The following POU2F1 variants were observed in gnomAD, a reference collection of about 807,000 sequenced individuals.
The protein encoded by POU2F1 is POU domain, class 2, transcription factor 1.
POU2F1 carries 16 observed loss-of-function variants against 84.9 expected under a neutral mutation model. That is an observed-to-expected ratio of 0.19 (90% CI 0.13 to 0.29). POU2F1 has a LOEUF of 0.29. POU2F1 is among the 10% of genes least tolerant of loss of function. The pLI is 1.00. For missense variants in POU2F1, 738 were observed against 942.6 expected (o/e 0.78, Z 2.84); for synonymous variants, 368 against 368.3 (o/e 1.00, Z 0.01).
At chr1:167,348,829 C>T (rs1397201659) in intron 2 of POU2F1, among the ~76,000 whole-genome samples, 1 of 152,180 alleles carries the variant, frequency 6.6e-6, no homozygotes, top group African/African-American at 2.4e-5. Flanking sequence ...TCTCAAAACT[C>T]TTTGTACCTT....
chr1:167,228,498 A>T (rs373920563), intron 1 of POU2F1, among the ~76,000 whole-genome samples: 1 of 152,246 alleles, frequency 6.6e-6, no homozygotes. Context: ...CATTACATGG[A>T]ATAAGGACGT....
intron 1 of POU2F1, among the ~76,000 whole-genome samples, chr1:167,276,908 G>A (rs1652767433): frequency 6.6e-6 from 1 of 152,120 alleles, no homozygotes; most frequent in African/African-American, 2.4e-5. Flanking sequence ...AGCAAGAAAG[G>A]ATGGGCAGAA....
chr1:167,280,203 A>G (rs987670730), intron 1 of POU2F1, among the ~76,000 whole-genome samples: 3 of 151,980 alleles, frequency 2.0e-5, no homozygotes, highest in African/African-American at 7.2e-5. Flanking sequence ...AAAAAAAAAA[A>G]AACTTATTGT....
intron 1 of POU2F1, among the ~76,000 whole-genome samples, chr1:167,326,982 C>T (rs949922392): frequency 6.6e-6 from 1 of 152,174 alleles, no homozygotes; most frequent in African/African-American, 2.4e-5. Flanking sequence ...GGGAAATAAA[C>T]ATTTATTGAT....
intron 1 of POU2F1, among the ~76,000 whole-genome samples, chr1:167,286,153 A>T (rs1295983255): frequency 6.6e-6 from 1 of 152,206 alleles, no homozygotes. Flanking sequence ...TGATATAGTC[A>T]GTTTCATTCA....
chr1:167,223,546 C>G (rs767027386), intron 1 of POU2F1, among the ~76,000 whole-genome samples: 9 of 151,940 alleles, frequency 5.9e-5, no homozygotes, highest in South Asian at 2.1e-4. Context: ...TGTGTTAAAC[C>G]TTTGAAATTA....
chr1:167,333,336 GTAAAGGTATAA>G (rs1657207497), intron 2 of POU2F1, among the ~76,000 whole-genome samples: 1 of 152,074 alleles, frequency 6.6e-6, no homozygotes, highest in South Asian at 2.1e-4. Context: ...CTGGTTTCTG[GTAAAGGTATAA>G]ATCAAAATAT....
intron 2 of POU2F1, among the ~76,000 whole-genome samples, chr1:167,359,850 G>GT (rs35501138): frequency 2.2e-4 from 29 of 128,924 alleles, no homozygotes; most frequent in South Asian, 1.4e-3. Flanking sequence ...TTGTGGGTTT[G>GT]TTTTTTTTTT....
intron 2 of POU2F1, among the ~76,000 whole-genome samples, chr1:167,355,532 A>G (rs1372124673): frequency 6.6e-6 from 1 of 152,160 alleles, no homozygotes; most frequent in Non-Finnish European, 1.5e-5. Flanking sequence ...CTCTGCTCCA[A>G]AAAAAAGACA....
chr1:167,325,878 A>C (rs1656669412), intron 1 of POU2F1, among the ~76,000 whole-genome samples: 1 of 143,726 alleles, frequency 7.0e-6, no homozygotes, highest in South Asian at 2.2e-4. Flanking sequence ...AAAAGAGCAA[A>C]CTCCATCTCA....
intron 1 of POU2F1, among the ~76,000 whole-genome samples, chr1:167,256,880 A>T (rs1490685554): frequency 6.6e-6 from 1 of 152,206 alleles, no homozygotes; most frequent in Non-Finnish European, 1.5e-5. Context: ...ATTTTGAGGC[A>T]GTCATAATTT....
At chr1:167,276,498 C>T (rs886792801) in intron 1 of POU2F1, among the ~76,000 whole-genome samples, 11 of 152,026 alleles carry the variant, frequency 7.2e-5, no homozygotes, top group African/African-American at 2.7e-4. Flanking sequence ...TCAATACTAG[C>T]CCCAGTTTCA....
At chr1:167,402,128 T>G (rs986767036) in intron 13 of POU2F1, among the ~76,000 whole-genome samples, 3 of 150,806 alleles carry the variant, frequency 2.0e-5, no homozygotes, top group Admixed American at 6.6e-5. Context: ...AAAATGAATG[T>G]TTTTTTTTCC....
At chr1:167,379,812 A>G (rs1647385128) in intron 7 of POU2F1, 1 of 152,168 alleles carries the variant, frequency 6.6e-6, no homozygotes, top group Admixed American at 6.5e-5. Flanking sequence ...CTGGGACCTC[A>G]TTTTATTTCA....
At position 167,324,866 on chromosome 1, in the gene POU2F1, T is replaced by C. The variant is rs75184325; in HGVS notation, c.62-7604T>C. Reference sequence around the variant, plus strand: ...AAATGATAGACATTCCGTTAAGTTATTCTAAAAGATTTTTGGTGGGGGGAG... The same window carrying C: ...AAATGATAGACATTCCGTTAAGTTACTCTAAAAGATTTTTGGTGGGGGGAG... On this transcript the variant is annotated intron_variant, in intron 1 of 15. Coordinates refer to ENST00000367866, the MANE Select transcript of POU2F1 (RefSeq NM_002697.4). Among the ~76,000 whole-genome samples, 205 of 152,332 alleles carry C rather than the reference T, an allele frequency of 1.3e-3. 2 individuals carry two copies. Among genetic ancestry groups the C allele is most frequent in the African/African-American group, 4.7e-3 (195 of 41,566 alleles).
chr1:167,354,701 C>T (rs756592914), intron 2 of POU2F1, among the ~76,000 whole-genome samples: 11 of 152,122 alleles, frequency 7.2e-5, no homozygotes, highest in Non-Finnish European at 1.5e-4. Context: ...TGGGATTAAC[C>T]GACTTTGCAA....
chr1:167,421,157 A>G lies in POU2F1; in HGVS notation c.*5347A>G, dbSNP rs779622924. On this transcript the variant is annotated 3_prime_UTR_variant, in exon 16 of 16. Transcript: ENST00000367866. ...GAGGATGACACTTTATAAAATGGTA[A>G]ATCTTTCTCAGCGTTTACAAACTTG... is the stretch of plus-strand genomic sequence containing the variant. The G allele has an allele frequency of 7.2e-5, 11 of 152,208 alleles. No individual in the cohort carries two copies. Among genetic ancestry groups the G allele is most frequent in the Non-Finnish European group, 1.2e-4 (8 of 68,030 alleles). 9.4% of individuals were successfully genotyped at this position (152,208 alleles called of 1,614,324 possible). A position where few individuals can be genotyped will look rare whatever the true frequency, so the allele number is the denominator to read the frequency against.
At chr1:167,234,906 T>C (rs1308169200) in intron 1 of POU2F1, among the ~76,000 whole-genome samples, 3 of 152,238 alleles carry the variant, frequency 2.0e-5, no homozygotes, top group Non-Finnish European at 4.4e-5. Context: ...ATTTCAGTGT[T>C]GTCAAATGAG....
At chr1:167,393,412 G>A (rs747724863) in intron 9 of POU2F1, among the ~76,000 whole-genome samples, 4 of 152,070 alleles carry the variant, frequency 2.6e-5, no homozygotes, top group African/African-American at 9.7e-5. Flanking sequence ...GTTAGTGAAT[G>A]GCATAGCTTT....
Sources: gnomAD v4.1 joint callset for allele counts (sites outside exome capture counted in the v4.1 genomes callset) on GRCh38, gnomAD v4.1.1 for gene constraint, MANE v1.5 for transcripts, NCBI Gene and HGNC (gene_info 2026-07-23, HGNC 2026-07-21) for gene names.